TCAIM: variants seen among roughly 807,000 people sequenced by gnomAD.
The protein encoded by TCAIM is T-cell activation inhibitor, mitochondrial.
Under a neutral mutation model 58.6 loss-of-function variants are expected in TCAIM, and 36 were observed. The ratio of observed to expected loss-of-function variants is 0.61; its 90% CI spans 0.47 to 0.81. The LOEUF (loss-of-function observed/expected upper bound fraction) is 0.81, where lower values mean the gene tolerates loss of function less well. Ranked by LOEUF, TCAIM falls within the 30% of genes least tolerant of loss-of-function variation. The probability of loss-of-function intolerance (pLI) is 0.00; values close to 1 mark genes in which losing one functional copy is unlikely to be tolerated. For missense variants in TCAIM, 466 were observed against 579.6 expected (o/e 0.80, Z 2.01); for synonymous variants, 172 against 193.6 (o/e 0.89, Z 0.93).
intron 5 of TCAIM, among the ~76,000 whole-genome samples, 178 bp from the exon 6 acceptor site, chr3:44,392,677 T>C (rs1368811459): frequency 6.6e-6 from 1 of 152,254 alleles, no homozygotes; most frequent in Non-Finnish European, 1.5e-5. Flanking sequence ...TATGGCTGCA[T>C]AGTATTCTAT....
At chr3:44,370,634 A>G (rs901733826) in intron 5 of TCAIM, among the ~76,000 whole-genome samples, 1 of 151,280 alleles carries the variant, frequency 6.6e-6, no homozygotes, top group African/African-American at 2.4e-5. Flanking sequence ...AGTGAAATTA[A>G]TAGTGGCATA....
chr3:44,377,804 T>TA, intron 5 of TCAIM, among the ~76,000 whole-genome samples: 1 of 152,102 alleles, frequency 6.6e-6, no homozygotes, highest in Admixed American at 6.6e-5. Flanking sequence ...TAAATATACT[T>TA]ACTATGTTAC....
chr3:44,359,916 G>T (rs193166174), intron 3 of TCAIM: 5 of 152,074 alleles, frequency 3.3e-5, no homozygotes, highest in Admixed American at 6.6e-5. Context: ...TTACATTTTC[G>T]TGTTATCTTT....
At chr3:44,372,541 A>G (rs1384459672) in intron 5 of TCAIM, among the ~76,000 whole-genome samples, 1 of 152,066 alleles carries the variant, frequency 6.6e-6, no homozygotes, top group Non-Finnish European at 1.5e-5. Flanking sequence ...ATTTATATCA[A>G]TCTGATCTCT....
intron 5 of TCAIM, among the ~76,000 whole-genome samples, chr3:44,386,464 T>C (rs1701744367): frequency 6.6e-6 from 1 of 152,096 alleles, no homozygotes; most frequent in Non-Finnish European, 1.5e-5. Context: ...TCCTACTGAA[T>C]TGGTAGGGTG....
At chr3:44,361,000 G>C (rs1043783393) in intron 3 of TCAIM, among the ~76,000 whole-genome samples, 1 of 152,154 alleles carries the variant, frequency 6.6e-6, no homozygotes, top group African/African-American at 2.4e-5. Context: ...TCCCACACTT[G>C]CCTGCAGGAC....
chr3:44,350,566 G>A (rs1416389165), intron 1 of TCAIM, among the ~76,000 whole-genome samples: 2 of 151,878 alleles, frequency 1.3e-5, no homozygotes, highest in African/African-American at 4.8e-5. Flanking sequence ...GAGTAGCTGA[G>A]GCAACAGACA....
In TCAIM at chr3:44,407,862, G is replaced by A. The variant is rs922158197; in HGVS notation, c.*180G>A. On this transcript the variant is annotated 3_prime_UTR_variant, in exon 11 of 11. Transcript: ENST00000342649. ...CTAGGAGAGGTTTTATATGCCAGGCGTGGTGGCTCATGCCTGCGGTCCCAG... is the reference window on the plus strand; with the variant it reads ...CTAGGAGAGGTTTTATATGCCAGGCATGGTGGCTCATGCCTGCGGTCCCAG... 23 of 633,684 alleles carry A rather than the reference G, an allele frequency of 3.6e-5. No individual in the cohort carries two copies. Among genetic ancestry groups the A allele is most frequent in the East Asian group, 1.4e-4 (4 of 28,282 alleles). 39.3% of individuals were successfully genotyped at this position (633,684 alleles called of 1,614,324 possible). A position where few individuals can be genotyped will look rare whatever the true frequency, so the allele number is the denominator to read the frequency against.
chr3:44,357,768 C>G lies in TCAIM; in HGVS notation c.57C>G (p.His19Gln). The change falls in exon 3 of 11, where the codon CAC becomes CAG. Residue 19 changes from histidine (H) to glutamine (Q), a missense_variant. By Grantham distance (24) the His-to-Gln change is conservative. Transcript: ENST00000342649. ...TATGTCTAGAGAAGATATTTCCACA[C>G]TGGTTTCCCTTTTCAAGAGCTTTAT... is the stretch of plus-strand genomic sequence containing the variant. ...RRLCLEKIFP[H>Q]WFPFSRALSG... is the part of the protein sequence containing the mutation. The G allele has an allele frequency of 6.2e-7, 1 of 1,614,140 alleles. No individual in the cohort carries two copies. The highest frequency in any genetic ancestry group is 8.5e-7 in the Non-Finnish European group (1 of 1,180,012).
chr3:44,354,702 C>G (rs1247545308), intron 1 of TCAIM, 37 bp from the exon 2 acceptor site: 2 of 1,431,810 alleles, frequency 1.4e-6, no homozygotes, highest in Non-Finnish European at 1.9e-6. Context: ...ATTTAAAATT[C>G]TACTTGTTCA....
intron 8 of TCAIM, 135 bp from the exon 9 acceptor site, chr3:44,400,220 C>T: frequency 9.1e-6 from 6 of 662,200 alleles, no homozygotes; most frequent in South Asian, 4.5e-5. Flanking sequence ...GTTTTTTTAT[C>T]TCTTACTTGA....
At chr3:44,353,573 C>T (rs1701135705) in intron 1 of TCAIM, among the ~76,000 whole-genome samples, 1 of 152,198 alleles carries the variant, frequency 6.6e-6, no homozygotes, top group Non-Finnish European at 1.5e-5. Context: ...TTGCTGTTGC[C>T]ACACATCCTT....
chr3:44,408,208 G>A lies in TCAIM; in HGVS notation c.*526G>A. 6.6e-6 allele frequency: 1 copy of A among 152,236 alleles called. No individual in the cohort carries two copies. 9.4% of individuals were successfully genotyped at this position (152,236 alleles called of 1,614,324 possible). On this transcript the variant is annotated 3_prime_UTR_variant, in exon 11 of 11. Coordinates refer to ENST00000342649, the MANE Select transcript of TCAIM (RefSeq NM_173826.4). ...GGTTGGGCTGGAGAGGTATGTGTGT[G>A]TAAATATAAAGGTCTCACATTCAGA...
At chr3:44,358,842 G>A (rs1483255926) in intron 3 of TCAIM, 5 of 984,972 alleles carry the variant, frequency 5.1e-6, no homozygotes, top group East Asian at 1.1e-4. Context: ...TTAGAACATC[G>A]TTATTTTTTT....
intron 1 of TCAIM, among the ~76,000 whole-genome samples, chr3:44,346,812 G>A (rs1426883720): frequency 6.6e-6 from 1 of 152,198 alleles, no homozygotes; most frequent in Non-Finnish European, 1.5e-5. Context: ...CGCAGTCCTG[G>A]CTCTTGTGTA....
At position 44,400,679 on chromosome 3, in the gene TCAIM, T is replaced by A. The variant is rs1240625766; in HGVS notation, c.1118+92T>A. On this transcript the variant is annotated intron_variant, in intron 9 of 10. Transcript: ENST00000342649. Reference sequence around the variant, plus strand: ...TTAAATTGTTTTGTATTTCAATGGGTAGTTCTTAGGAATTAAAGAAAAAAA... The same window carrying A: ...TTAAATTGTTTTGTATTTCAATGGGAAGTTCTTAGGAATTAAAGAAAAAAA... 5 of 1,102,058 alleles carry A rather than the reference T, an allele frequency of 4.5e-6. No individual in the cohort carries two copies. The East Asian group carries it at 1.3e-4, about 28-fold the overall frequency. 68.3% of individuals were successfully genotyped at this position (1,102,058 alleles called of 1,614,324 possible).
intron 3 of TCAIM, among the ~76,000 whole-genome samples, chr3:44,360,398 G>A (rs905424355): frequency 9.2e-5 from 14 of 151,480 alleles, no homozygotes; most frequent in East Asian, 7.7e-4. Context: ...TCATAGCATC[G>A]AACTCAAAGT....
At chr3:44,358,199 CTCTT>C (rs1701234605) in intron 3 of TCAIM, 2 of 1,560,204 alleles carry the variant, frequency 1.3e-6, no homozygotes. Flanking sequence ...CAATCTCTCT[CTCTT>C]TTTTTTTTTT....
At chr3:44,354,226 A>C (rs1167347785) in intron 1 of TCAIM, among the ~76,000 whole-genome samples, 3 of 152,148 alleles carry the variant, frequency 2.0e-5, no homozygotes, top group Non-Finnish European at 4.4e-5. Flanking sequence ...AGTTGACTTT[A>C]TTTGTATGAA....
Sources: gnomAD v4.1 joint callset for allele counts (sites outside exome capture counted in the v4.1 genomes callset) on GRCh38, gnomAD v4.1.1 for gene constraint, MANE v1.5 for transcripts, NCBI Gene and HGNC (gene_info 2026-07-23, HGNC 2026-07-21) for gene names.